JADE1: variants seen among roughly 807,000 people sequenced by gnomAD.
JADE1 encodes the protein jade family PHD finger 1.
In JADE1, 14 loss-of-function variants were observed where a neutral mutation model predicts 81.8. The ratio of observed to expected loss-of-function variants is 0.17; its 90% CI spans 0.11 to 0.27. The LOEUF (loss-of-function observed/expected upper bound fraction) is 0.27, where lower values mean the gene tolerates loss of function less well. JADE1 is among the 10% of genes least tolerant of loss of function. The pLI is 1.00. For synonymous variants in JADE1, 353 were observed against 391.9 expected (o/e 0.90, Z 1.17); for missense variants, 690 against 1,047.9 (o/e 0.66, Z 4.71).
intron 2 of JADE1, 115 bp from the exon 3 acceptor site, chr4:128,842,838 C>T: frequency 1.2e-6 from 1 of 803,346 alleles, no homozygotes; most frequent in South Asian, 1.4e-5. Flanking sequence ...CACAGGTGGT[C>T]TCATGGTGCA....
intron 3 of JADE1, 111 bp downstream of exon 3, chr4:128,843,149 C>T: frequency 1.2e-6 from 1 of 813,738 alleles, no homozygotes; most frequent in Non-Finnish European, 1.9e-6. Context: ...TCCTTGTGCT[C>T]CAGTTTCCAA....
At chr4:128,851,907 C>G in intron 5 of JADE1, 150 bp from the exon 6 acceptor site, 1 of 619,182 alleles carries the variant, frequency 1.6e-6, no homozygotes, top group South Asian at 2.2e-5. Context: ...CAGATGTGAG[C>G]CACCACGCCT....
In JADE1 at chr4:128,855,785, G is replaced by A. The variant is rs369828415; in HGVS notation, c.852G>A (p.Leu284=). 8.3e-5 allele frequency: 134 copies of A among 1,607,328 alleles called. No individual in the cohort carries two copies. The highest frequency in any genetic ancestry group is 1.1e-4 in the Non-Finnish European group (133 of 1,176,082). ...AGTGGGTCCACGTTAGCTGTGCTCT[G>A]TGGATCCCTGAGGTACGTGTGGTTC... is the stretch of plus-strand genomic sequence containing the variant. ...GTKWVHVSCA[L]WIPEVSIGSP... The change falls in exon 7 of 11, where the codon CTG becomes CTA. Residue 284 remains leucine, a synonymous_variant. Transcript: ENST00000226319.
chr4:128,810,718 C>T (rs920574707), intron 1 of JADE1, among the ~76,000 whole-genome samples: 3 of 86,512 alleles, frequency 3.5e-5, no homozygotes, highest in Admixed American at 1.8e-4. Context: ...TGCATCAATT[C>T]AAGGGCAGTG....
At chr4:128,828,688 A>ATGCT (rs1452140564) in intron 1 of JADE1, among the ~76,000 whole-genome samples, 1 of 152,190 alleles carries the variant, frequency 6.6e-6, no homozygotes. Flanking sequence ...ATTTTGGCCA[A>ATGCT]TGCTTGCGTT....
chr4:128,860,981 A>AT (rs1731274296), intron 8 of JADE1, among the ~76,000 whole-genome samples: 1 of 151,818 alleles, frequency 6.6e-6, no homozygotes, highest in African/African-American at 2.4e-5. Context: ...CTTGTCTCCT[A>AT]TTTTTTGGGG....
intron 3 of JADE1, among the ~76,000 whole-genome samples, chr4:128,844,438 G>C (rs1729702164): frequency 6.6e-6 from 1 of 152,128 alleles, no homozygotes; most frequent in Non-Finnish European, 1.5e-5. Context: ...GTCCATTTGA[G>C]GGCCTTTGTT....
At chr4:128,836,277 C>T (rs372433833) in intron 2 of JADE1, among the ~76,000 whole-genome samples, 4 of 152,012 alleles carry the variant, frequency 2.6e-5, no homozygotes, top group African/African-American at 7.3e-5. Flanking sequence ...TACTGTTAAC[C>T]GGAAGCCTTA....
intron 1 of JADE1, among the ~76,000 whole-genome samples, chr4:128,812,144 A>T (rs1726481766): frequency 6.6e-6 from 1 of 150,594 alleles, no homozygotes; most frequent in South Asian, 2.1e-4. Flanking sequence ...GCCACTTTCA[A>T]ATGGAGAGGG....
chr4:128,866,699 AG>A (rs1731804217), intron 9 of JADE1, among the ~76,000 whole-genome samples: 1 of 152,178 alleles, frequency 6.6e-6, no homozygotes, highest in African/African-American at 2.4e-5. Context: ...TCAGGGGAAG[AG>A]TTTGCTCATA....
chr4:128,853,021 G>A (rs767025208), intron 6 of JADE1, among the ~76,000 whole-genome samples: 15 of 151,158 alleles, frequency 9.9e-5, no homozygotes, highest in South Asian at 4.2e-4. Context: ...TCCGCCTCCC[G>A]AGTAGCTGGG....
chr4:128,852,379 T>C, intron 6 of JADE1, 111 bp downstream of exon 6: 1 of 821,664 alleles, frequency 1.2e-6, no homozygotes, highest in Non-Finnish European at 2.0e-6. Flanking sequence ...TCTGTGTTTC[T>C]ACGATTTAAA....
At position 128,848,960 on chromosome 4, in the gene JADE1, CT is replaced by C; in HGVS notation, c.297-18del. On this transcript the variant is annotated intron_variant, in intron 4 of 10. Coordinates refer to ENST00000226319, the MANE Select transcript of JADE1 (RefSeq NM_199320.4). Reference sequence around the variant, plus strand: ...GTGGCTGAAAGGGTAACCTGGCTGCCTTGTTTTTTTATTATCCAGGGTTGTG... The same window carrying C: ...GTGGCTGAAAGGGTAACCTGGCTGCCTGTTTTTTTATTATCCAGGGTTGTG... 6.2e-7 allele frequency: 1 copy of C among 1,611,498 alleles called. No homozygotes were observed. Among genetic ancestry groups the C allele is most frequent in the Non-Finnish European group, 8.5e-7 (1 of 1,179,002 alleles).
At position 128,871,386 on chromosome 4, in the gene JADE1, G is replaced by A; in HGVS notation, c.1653G>A (p.Leu551=). Residue 551 remains leucine, a synonymous_variant, in exon 11 of 11, where the codon CTG becomes CTA. Coordinates refer to ENST00000226319, the MANE Select transcript of JADE1 (RefSeq NM_199320.4). The surrounding 1 kb of genome is among the most constrained non-coding windows in gnomAD (Gnocchi z 4.1). ...CTTCTTCCTGCTCCTCCTCCTCACT[G>A]GAAAACATGCTTTTGTTTAACAGTC... ...GVPSSCSSSS[L]ENMLLFNSPS... 1 of 1,613,814 alleles carries A rather than the reference G, an allele frequency of 6.2e-7. No individual in the cohort carries two copies. The highest frequency in any genetic ancestry group is 8.5e-7 in the Non-Finnish European group (1 of 1,179,778).
intron 1 of JADE1, among the ~76,000 whole-genome samples, chr4:128,829,581 C>T (rs899855508): frequency 4.6e-5 from 7 of 151,860 alleles, no homozygotes; most frequent in Admixed American, 2.0e-4. Flanking sequence ...TCAGTTCATG[C>T]GAGTCTGAAT....
Position 128,831,766 on chromosome 4 carries a change from G to A in JADE1, c.8G>A (p.Arg3Gln). The A allele has an allele frequency of 1.2e-6, 2 of 1,614,176 alleles. No homozygotes were observed. Among genetic ancestry groups the A allele is most frequent in the African/African-American group, 1.3e-5 (1 of 75,032 alleles). MKRGRLPSSSEDS... is the reference protein window; with the variant it reads MKQGRLPSSSEDS... ...CTGTTTCCCGGGGAGATCATGAAAC[G>A]AGGTCGCCTTCCCAGCAGCAGTGAG... is the stretch of plus-strand genomic sequence containing the variant. Residue 3 changes from arginine to glutamine, a missense_variant, in exon 2 of 11, where the codon CGA (arginine) becomes CAA (glutamine). Coordinates refer to ENST00000226319, the MANE Select transcript of JADE1 (RefSeq NM_199320.4).
intron 1 of JADE1, 138 bp from the exon 2 acceptor site, chr4:128,831,595 T>C: frequency 1.4e-6 from 1 of 697,106 alleles, no homozygotes; most frequent in South Asian, 1.8e-5. Context: ...TTTGGTCTTT[T>C]TACTGTTTAC....
intron 1 of JADE1, among the ~76,000 whole-genome samples, chr4:128,829,673 A>AGG: frequency 6.6e-6 from 1 of 152,314 alleles, no homozygotes; most frequent in East Asian, 1.9e-4. Context: ...GGTAAAGGGA[A>AGG]GGAGACTTCA....
intron 2 of JADE1, among the ~76,000 whole-genome samples, chr4:128,839,572 A>C (rs1318085182): frequency 6.6e-6 from 1 of 152,122 alleles, no homozygotes; most frequent in Non-Finnish European, 1.5e-5. Context: ...ACTTTTCTCT[A>C]GTCTTCCACT....
Sources: allele counts gnomAD v4.1 joint callset (sites outside exome capture counted in the v4.1 genomes callset), GRCh38; gene constraint gnomAD v4.1.1; non-coding constraint Gnocchi (gnomAD v3.1); transcripts MANE v1.5; gene names NCBI Gene and HGNC (gene_info 2026-07-23, HGNC 2026-07-21).